The following TNFRSF10D variants were observed in gnomAD, a reference collection of about 807,000 sequenced individuals.
TNFRSF10D encodes the protein TNF receptor superfamily member 10d, also known as tumor necrosis factor receptor superfamily member 10D.
In TNFRSF10D, 28 loss-of-function variants were observed where a neutral mutation model predicts 42.1. The observed-to-expected ratio is 0.66, with a 90% CI of 0.49 to 0.91. The LOEUF (loss-of-function observed/expected upper bound fraction) is 0.91. TNFRSF10D is among the 40% of genes least tolerant of loss of function. TNFRSF10D has a pLI of 0.00. For missense variants in TNFRSF10D, 503 were observed against 486.1 expected, an observed-to-expected ratio of 1.03 and a Z score of -0.33; for synonymous variants, 186 against 189.4, an observed-to-expected ratio of 0.98 and a Z score of 0.15.
Position 23,145,743 on chromosome 8 carries a change from T to G in TNFRSF10D, c.661A>C (p.Ile221Leu). ...HYLIIIVVLV[I>L]ILAVVVVGFS... The stretch of plus-strand genomic sequence containing the variant: ...CCAACCACAACCACAGCTAAAATGA[T>G]GACTAAAACCACTATGATGATAAGG... Residue 221 changes from isoleucine to leucine, a missense_variant, in exon 5 of 9, where the codon ATC becomes CTC. Transcript: ENST00000312584. 1 of 1,608,474 alleles carries G rather than the reference T, an allele frequency of 6.2e-7. No individual in the cohort carries two copies. Among genetic ancestry groups the G allele is most frequent in the Non-Finnish European group, 8.5e-7 (1 of 1,179,970 alleles).
In TNFRSF10D at chr8:23,137,877, C is replaced by T. The variant is rs189635857; in HGVS notation, c.1154G>A (p.Cys385Tyr). 2 of 1,612,034 alleles carry T rather than the reference C, an allele frequency of 1.2e-6. No individual in the cohort carries two copies. Among genetic ancestry groups the T allele is most frequent in the Admixed American group, 3.4e-5 (2 of 59,392 alleles). The stretch of plus-strand genomic sequence containing the variant: ...TTTCCTGAAGAGATTCTTTCACAGG[C>T]AGGACGTAGCAGAGCCTGCCTCATC... ...EEDEAGSATS[C>Y]L The change falls in exon 9 of 9, where the codon TGC becomes TAC. Residue 385 changes from cysteine (C) to tyrosine (Y), a missense_variant. Cys to Tyr is a radical substitution (Grantham distance 194, BLOSUM62 -2). Coordinates refer to ENST00000312584, the MANE Select transcript of TNFRSF10D (RefSeq NM_003840.5).
At chr8:23,156,425 T>G (rs1800280977) in intron 1 of TNFRSF10D, among the ~76,000 whole-genome samples, 1 of 152,142 alleles carries the variant, frequency 6.6e-6, no homozygotes, top group Non-Finnish European at 1.5e-5. Flanking sequence ...TTGGTGACAG[T>G]GAAGCTAATG....
rs34622674 is a variant in TNFRSF10D at position 23,137,998 on chromosome 8, T to C, written c.1033A>G (p.Thr345Ala). 9 of 1,614,080 alleles carry C rather than the reference T, an allele frequency of 5.6e-6. No homozygotes were observed. The highest frequency in any genetic ancestry group is 1.1e-5 in the South Asian group (1 of 91,080). ...VNDADSADIS[T>A]LLDASATLEE... ...AGTGTTGCCGAGGCATCCAGCAAGG[T>C]GCTGACTGAGAAGAGAGAAGAGATT... The change falls in exon 9 of 9, where the codon ACC (threonine) becomes GCC (alanine). Residue 345 changes from threonine to alanine, a missense_variant. Transcript: ENST00000312584.
At position 23,144,935 on chromosome 8, in the gene TNFRSF10D, A is replaced by C. The variant is rs1221616332; in HGVS notation, c.768+123T>G. On this transcript the variant is annotated intron_variant, in intron 6 of 8. Transcript: ENST00000312584. ...CCCCCACAGTCAGCCCAGATCCCCC[A>C]GGCCATGTCAGAGAGTCAGGGCAGC... 5 of 1,423,486 alleles carry C rather than the reference A, an allele frequency of 3.5e-6. No homozygotes were observed. In the East Asian group the frequency reaches 1.1e-4, roughly 32 times the overall value. The allele number at this position is 1,423,486 out of a possible 1,614,324, so 88.2% of individuals were successfully genotyped here. A position where few individuals can be genotyped will look rare whatever the true frequency, so the allele number is the denominator to read the frequency against.
Position 23,137,983 on chromosome 8 carries a change from A to G in TNFRSF10D, c.1048T>C (p.Ser350Pro), listed in dbSNP as rs1205158964. 1 of 1,614,208 alleles carries G rather than the reference A, an allele frequency of 6.2e-7. No homozygotes were observed. Among genetic ancestry groups the G allele is most frequent in the Non-Finnish European group, 8.5e-7 (1 of 1,180,040 alleles). Reference sequence around the variant, plus strand: ...GCATGTCCTTCTTCCAGTGTTGCCGAGGCATCCAGCAAGGTGCTGACTGAG... The same window carrying G: ...GCATGTCCTTCTTCCAGTGTTGCCGGGGCATCCAGCAAGGTGCTGACTGAG... Reference protein sequence around the residue: ...SADISTLLDASATLEEGHAKE... With the variant: ...SADISTLLDAPATLEEGHAKE... Residue 350 changes from serine to proline, a missense_variant, in exon 9 of 9, where the codon TCG becomes CCG. Transcript: ENST00000312584.
intron 2 of TNFRSF10D, among the ~76,000 whole-genome samples, chr8:23,149,508 G>A (rs13256716): frequency 0.19 from 28,187 of 148,912 alleles, 3,358 homozygotes; most frequent in Non-Finnish European, 0.25. Context: ...CAAAGTGCTG[G>A]GATTACAGGC....
At chr8:23,146,436 G>A (rs1800121362) in intron 4 of TNFRSF10D, among the ~76,000 whole-genome samples, 1 of 152,216 alleles carries the variant, frequency 6.6e-6, no homozygotes, top group South Asian at 2.1e-4. Context: ...GGGGCCAGGG[G>A]TGAGGCCGGC....
chr8:23,148,961 C>A lies in TNFRSF10D; in HGVS notation c.257-410G>T, dbSNP rs185897854. On this transcript the variant is annotated intron_variant, in intron 2 of 8. Coordinates refer to ENST00000312584, the MANE Select transcript of TNFRSF10D (RefSeq NM_003840.5). The stretch of plus-strand genomic sequence containing the variant: ...ATCCCAGTACTTAGGGAGGCCAAGG[C>A]GGACGAATCACGAGGTCAGGAGATC... 9.3e-5 allele frequency among the ~76,000 whole-genome samples: 14 copies of A among 151,148 alleles called. 1 individual carries two copies. Among genetic ancestry groups the A allele is most frequent in the Non-Finnish European group, 3.0e-5 (2 of 67,736 alleles).
intron 7 of TNFRSF10D, among the ~76,000 whole-genome samples, chr8:23,138,575 A>G (rs534169453): frequency 1.3e-5 from 2 of 151,964 alleles, no homozygotes; most frequent in African/African-American, 4.8e-5. Flanking sequence ...CCATCTAATC[A>G]ACTCCCACCC....
At position 23,147,937 on chromosome 8, in the gene TNFRSF10D, C is replaced by T. The variant is rs1162549076; in HGVS notation, c.370+501G>A. Among the ~76,000 whole-genome samples, 6 of 152,040 alleles carry T rather than the reference C, an allele frequency of 3.9e-5. No individual in the cohort carries two copies. In the South Asian group the frequency reaches 1.0e-3, roughly 26 times the overall value. The stretch of plus-strand genomic sequence containing the variant: ...AAAATTAGCCGGGTGTGGTGGCGGG[C>T]ACCTGTAGTCATAGCTACTCAGGAG... On this transcript the variant is annotated intron_variant, in intron 3 of 8. Transcript: ENST00000312584.
chr8:23,154,807 A>G, intron 2 of TNFRSF10D, 67 bp downstream of exon 2: 1 of 1,486,084 alleles, frequency 6.7e-7, no homozygotes, highest in Non-Finnish European at 9.2e-7. Context: ...CATGGTGTAC[A>G]CCATGAATAT....
Position 23,163,984 on chromosome 8 carries a change from GT to G in TNFRSF10D, c.-50del, listed in dbSNP as rs1302253248. On this transcript the variant is annotated 5_prime_UTR_variant, in exon 1 of 9. Coordinates refer to ENST00000312584, the MANE Select transcript of TNFRSF10D (RefSeq NM_003840.5). Reference sequence around the variant, plus strand: ...AAGCGCCAAAAATCAATCAGAAATCGTCCCCGTAGTTTGTGCGCGTGCAAAG... The same window carrying G: ...AAGCGCCAAAAATCAATCAGAAATCGCCCCGTAGTTTGTGCGCGTGCAAAG... 2.7e-6 allele frequency: 4 copies of G among 1,508,474 alleles called. No homozygotes were observed. The African/African-American group carries it at 5.8e-5, about 22-fold the overall frequency. The allele number at this position is 1,508,474 out of a possible 1,614,324, so 93.4% of individuals were successfully genotyped here. A position where few individuals can be genotyped will look rare whatever the true frequency, so the allele number is the denominator to read the frequency against.
chr8:23,153,146 G>A (rs551370041), intron 2 of TNFRSF10D, among the ~76,000 whole-genome samples: 2 of 152,298 alleles, frequency 1.3e-5, no homozygotes, highest in East Asian at 1.9e-4. Context: ...AATAAATGAT[G>A]TAGAGGAAAG....
At position 23,154,927 on chromosome 8, in the gene TNFRSF10D, G is replaced by A; in HGVS notation, c.203C>T (p.Thr68Ile). The A allele has an allele frequency of 6.2e-7, 1 of 1,613,930 alleles. No homozygotes were observed. The highest frequency in any genetic ancestry group is 1.1e-5 in the South Asian group (1 of 91,014). Residue 68 changes from threonine (T) to isoleucine (I), a missense_variant, in exon 2 of 9, where the codon ACA becomes ATA. Thr to Ile is a moderately conservative substitution (Grantham distance 89, BLOSUM62 -1). Transcript: ENST00000312584. ...GCGCCTCTGTTGCTGTGGGGCCACT[G>A]TCTGCTGGGGAACTTCGTCCTGCCG... The part of the protein sequence containing the change: ...IPRQDEVPQQ[T>I]VAPQQQRRSL...
chr8:23,159,006 A>G (rs115888232), intron 1 of TNFRSF10D, among the ~76,000 whole-genome samples: 707 of 151,692 alleles, frequency 4.7e-3, no homozygotes, highest in African/African-American at 0.015. Flanking sequence ...TCTGCTTTTT[A>G]TCACAATAGA....
At chr8:23,154,662 C>T (rs1315582787) in intron 2 of TNFRSF10D, among the ~76,000 whole-genome samples, 1 of 152,174 alleles carries the variant, frequency 6.6e-6, no homozygotes, top group Non-Finnish European at 1.5e-5. Flanking sequence ...GCAAAGAGGG[C>T]TTATCCCAGG....
intron 3 of TNFRSF10D, among the ~76,000 whole-genome samples, chr8:23,147,318 T>C (rs1800134246): frequency 6.6e-6 from 1 of 152,202 alleles, no homozygotes; most frequent in Non-Finnish European, 1.5e-5. Flanking sequence ...TTAGATGGCA[T>C]GGTCAGTAGC....
Position 23,140,017 on chromosome 8 carries a change from C to T in TNFRSF10D, c.955-1757G>A, listed in dbSNP as rs144433160. Among the ~76,000 whole-genome samples the T allele has an allele frequency of 6.0e-4, 92 of 152,220 alleles. 1 individual carries two copies. The highest frequency in any genetic ancestry group is 3.1e-3 in the East Asian group (16 of 5,178). On this transcript the variant is annotated intron_variant, in intron 7 of 8. Transcript: ENST00000312584. ...AAAATTAACGGGGCGTAGCTGGGTACGGTGGCTCACGCCTGTAATCTCAGC... is the reference window on the plus strand; with the variant it reads ...AAAATTAACGGGGCGTAGCTGGGTATGGTGGCTCACGCCTGTAATCTCAGC...
chr8:23,147,152 C>T (rs1800132044), intron 3 of TNFRSF10D, 80 bp from the exon 4 acceptor site: 1 of 1,200,838 alleles, frequency 8.3e-7, no homozygotes. Flanking sequence ...CATCCCCTCC[C>T]ACTCAGCTCA....
Sources: gnomAD v4.1 joint callset for allele counts (sites outside exome capture counted in the v4.1 genomes callset) on GRCh38, gnomAD v4.1.1 for gene constraint, MANE v1.5 for transcripts, NCBI Gene and HGNC (gene_info 2026-07-23, HGNC 2026-07-21) for gene names.